Variants in TMC5 observed in about 807,000 individuals in gnomAD.
TMC5 encodes the protein transmembrane channel-like protein 5.
Under a neutral mutation model 110.5 loss-of-function variants are expected in TMC5, and 86 were observed. That is an observed-to-expected ratio of 0.78 (90% CI 0.65 to 0.93). The LOEUF (loss-of-function observed/expected upper bound fraction) is 0.93. Among genes scored for constraint, TMC5 ranks in the 40% least tolerant of loss-of-function variants. The pLI, the probability that TMC5 is intolerant of heterozygous loss-of-function variation, is 0.00. For missense variants in TMC5, 1,144 were observed against 1,222.8 expected, an observed-to-expected ratio of 0.94 and a Z score of 0.96; for synonymous variants, 455 against 439.5, an observed-to-expected ratio of 1.04 and a Z score of -0.44.
chr16:19,442,331 T>A (rs1386694103), intron 3 of TMC5, among the ~76,000 whole-genome samples: 1 of 149,434 alleles, frequency 6.7e-6, no homozygotes, highest in Non-Finnish European at 1.5e-5. Flanking sequence ...TGTAATTTTT[T>A]TTTTTTTTTT....
intron 1 of TMC5, among the ~76,000 whole-genome samples, chr16:19,427,525 A>G (rs993844970): frequency 2.0e-5 from 3 of 152,178 alleles, no homozygotes; most frequent in Admixed American, 2.0e-4. Flanking sequence ...GAAGTGTTCC[A>G]TAGCTACATG....
intron 3 of TMC5, 61 bp downstream of exon 3, chr16:19,440,887 A>G: frequency 1.3e-6 from 2 of 1,527,194 alleles, no homozygotes; most frequent in East Asian, 2.3e-5. Context: ...TCATTAAGTC[A>G]ATGGAATTTG....
chr16:19,490,605 C>A, intron 18 of TMC5, 37 bp downstream of exon 18: 1 of 1,609,854 alleles, frequency 6.2e-7, no homozygotes, highest in South Asian at 1.1e-5. Context: ...CAGGGAAAGC[C>A]AGGAGCTCTC....
chr16:19,422,271 A>G (rs1967001758), intron 1 of TMC5, among the ~76,000 whole-genome samples: 1 of 151,610 alleles, frequency 6.6e-6, no homozygotes, highest in Non-Finnish European at 1.5e-5. Context: ...AGAATTTGCT[A>G]TGACTCAAAG....
At chr16:19,432,569 T>G (rs2143414456) in intron 2 of TMC5, among the ~76,000 whole-genome samples, 1 of 152,354 alleles carries the variant, frequency 6.6e-6, no homozygotes, top group Middle Eastern at 3.4e-3. Flanking sequence ...CCACTTCATG[T>G]GACATCAGTG....
chr16:19,430,769 G>T (rs1475594743), intron 2 of TMC5, 129 bp downstream of exon 2: 2 of 151,960 alleles, frequency 1.3e-5, no homozygotes, highest in Non-Finnish European at 2.9e-5. Context: ...AATTGTGATA[G>T]CTGCCATTGC....
chr16:19,435,491 ACT>A (rs1967323792), intron 2 of TMC5, among the ~76,000 whole-genome samples: 2 of 151,456 alleles, frequency 1.3e-5, no homozygotes, highest in South Asian at 4.2e-4. Flanking sequence ...GCAGAGTGAG[ACT>A]CTGCCTCAAA....
intron 3 of TMC5, among the ~76,000 whole-genome samples, chr16:19,441,132 G>A (rs1392111840): frequency 6.6e-6 from 1 of 152,018 alleles, no homozygotes; most frequent in African/African-American, 2.4e-5. Context: ...TTTTGACCCT[G>A]CTACGTAGCC....
Position 19,495,249 on chromosome 16 carries a change from C to T in TMC5, c.2931+883C>T, listed in dbSNP as rs1969023998. Among the ~76,000 whole-genome samples the T allele has an allele frequency of 1.8e-5, 2 of 112,454 alleles. 1 individual carries two copies. Among genetic ancestry groups the T allele is most frequent in the Non-Finnish European group, 4.1e-5 (2 of 48,564 alleles). The allele number at this position is 112,454 out of a possible 152,430, so 73.8% of individuals were successfully genotyped here. A position where few individuals can be genotyped will look rare whatever the true frequency, so the allele number is the denominator to read the frequency against. ...CGGGATGGTCTCGATCTCCTGACCTCGTGATCCGCCCGCCTCGGCCTCCCA... is the reference window on the plus strand; with the variant it reads ...CGGGATGGTCTCGATCTCCTGACCTTGTGATCCGCCCGCCTCGGCCTCCCA... On this transcript the variant is annotated intron_variant, in intron 20 of 21. Coordinates refer to ENST00000542583, the MANE Select transcript of TMC5 (RefSeq NM_001261841.2).
At chr16:19,492,278 C>G in intron 19 of TMC5, 50 bp downstream of exon 19, 1 of 1,286,926 alleles carries the variant, frequency 7.8e-7, no homozygotes, top group South Asian at 1.2e-5. Flanking sequence ...TTTTTAAACG[C>G]TGTATAAACA....
chr16:19,426,802 T>C (rs1967095779), intron 1 of TMC5, among the ~76,000 whole-genome samples: 1 of 152,168 alleles, frequency 6.6e-6, no homozygotes, highest in African/African-American at 2.4e-5. Context: ...ACAAATCAAC[T>C]TTTTTCTTCC....
chr16:19,421,441 G>A (rs558501683), intron 1 of TMC5, among the ~76,000 whole-genome samples: 3 of 152,052 alleles, frequency 2.0e-5, no homozygotes, highest in Non-Finnish European at 1.5e-5. Context: ...CTGCACACAC[G>A]CTCTTGCCTG....
At chr16:19,463,736 G>A (rs1968087154) in intron 7 of TMC5, 40 bp from the exon 8 acceptor site, 3 of 1,601,240 alleles carry the variant, frequency 1.9e-6, no homozygotes, top group Non-Finnish European at 1.7e-6. Context: ...TATTTGTTGA[G>A]TCAACAGCAA....
At chr16:19,472,347 C>G in intron 11 of TMC5, 104 bp downstream of exon 11, 1 of 1,267,908 alleles carries the variant, frequency 7.9e-7, no homozygotes, top group Non-Finnish European at 1.1e-6. Context: ...GATCTATGGC[C>G]AGCAGCATCA....
chr16:19,435,604 C>T (rs7185569), intron 2 of TMC5, among the ~76,000 whole-genome samples: 120,734 of 152,090 alleles, frequency 0.79, 48,064 homozygotes, highest in South Asian at 0.91. Context: ...CACACACACA[C>T]ATGCCTCCCT....
upstream of TMC5, among the ~76,000 whole-genome samples, chr16:19,414,678 G>A (rs372007509): frequency 2.6e-5 from 4 of 151,814 alleles, no homozygotes; most frequent in Admixed American, 6.6e-5. Context: ...AGGCTGAGGC[G>A]GGAGGATCGC....
chr16:19,428,998 T>C (rs934397310), intron 1 of TMC5, among the ~76,000 whole-genome samples: 2 of 152,078 alleles, frequency 1.3e-5, no homozygotes, highest in Admixed American at 6.6e-5. Context: ...GCTCATTTTC[T>C]TATTTTTAGT....
At chr16:19,460,848 G>A (rs756063145) in intron 6 of TMC5, among the ~76,000 whole-genome samples, 3 of 152,324 alleles carry the variant, frequency 2.0e-5, no homozygotes, top group Middle Eastern at 3.4e-3. Context: ...CTATCATGGA[G>A]TGGAAAGTTC....
upstream of TMC5, among the ~76,000 whole-genome samples, chr16:19,415,451 G>A (rs896898361): frequency 5.3e-5 from 8 of 152,078 alleles, no homozygotes; most frequent in African/African-American, 1.9e-4. Context: ...TGTCCTCCTG[G>A]TATCTAATAG....
Sources: gnomAD v4.1 joint callset for allele counts (sites outside exome capture counted in the v4.1 genomes callset) on GRCh38, gnomAD v4.1.1 for gene constraint, MANE v1.5 for transcripts, NCBI Gene and HGNC (gene_info 2026-07-23, HGNC 2026-07-21) for gene names.